RXFP1: variants seen among roughly 807,000 people sequenced by gnomAD.
The protein encoded by RXFP1 is relaxin receptor 1.
RXFP1 carries 73 observed loss-of-function variants against 89.8 expected under a neutral mutation model. The observed-to-expected ratio is 0.81, with a 90% CI of 0.67 to 0.99. The LOEUF is 0.99. Among genes scored for constraint, RXFP1 ranks in the 50% least tolerant of loss-of-function variants. The pLI is 0.00. For missense variants in RXFP1, 793 were observed against 895.5 expected (o/e 0.89, Z 1.46); for synonymous variants, 277 against 305.5 (o/e 0.91, Z 0.97).
chr4:158,653,290 A>C lies in RXFP1; in HGVS notation c.*1235A>C, dbSNP rs1408161702. On this transcript the variant is annotated 3_prime_UTR_variant, in exon 18 of 18. Transcript: ENST00000307765. ...ATGTTTGAAACACAAAAATACTGGA[A>C]TCAAACCATAATGCACTTATTGAAT... is the stretch of plus-strand genomic sequence containing the variant. 1.3e-5 allele frequency: 2 copies of C among 152,242 alleles called. No homozygotes were observed. The highest frequency in any genetic ancestry group is 6.5e-5 in the Admixed American group (1 of 15,286). The allele number at this position is 152,242 out of a possible 1,614,324, so 9.4% of individuals were successfully genotyped here. A position where few individuals can be genotyped will look rare whatever the true frequency, so the allele number is the denominator to read the frequency against.
intron 9 of RXFP1, among the ~76,000 whole-genome samples, chr4:158,623,729 C>G (rs935081308): frequency 6.6e-6 from 1 of 152,070 alleles, no homozygotes; most frequent in African/African-American, 2.4e-5. Context: ...TAGGATATGT[C>G]TTAAGTTCTG....
In RXFP1 at chr4:158,649,389, C is replaced by T. The variant is rs527839004; in HGVS notation, c.1975+672C>T. ...GTAAGAAAATTTTCTTCCTGTAATA[C>T]ATGCAATTTAGAGAAGATCATGCCA... On this transcript the variant is annotated intron_variant, in intron 17 of 17. Coordinates refer to ENST00000307765, the MANE Select transcript of RXFP1 (RefSeq NM_021634.4). Among the ~76,000 whole-genome samples the T allele has an allele frequency of 5.9e-5, 9 of 152,118 alleles. No individual in the cohort carries two copies. In the East Asian group the frequency reaches 1.7e-3, roughly 29 times the overall value.
intron 2 of RXFP1, 33 bp from the exon 3 acceptor site, chr4:158,593,368 T>C: frequency 7.2e-7 from 1 of 1,394,562 alleles, no homozygotes; most frequent in Non-Finnish European, 1.0e-6. Context: ...TCTCTGTTCC[T>C]TGAACTTTTT....
chr4:158,561,742 A>G (rs566185049), intron 1 of RXFP1, among the ~76,000 whole-genome samples: 27 of 146,554 alleles, frequency 1.8e-4, no homozygotes, highest in Admixed American at 1.8e-3. Context: ...ATTCTTGTGC[A>G]TCAGTCTCCT....
At chr4:158,595,356 A>G (rs1405986009) in intron 3 of RXFP1, among the ~76,000 whole-genome samples, 1 of 152,216 alleles carries the variant, frequency 6.6e-6, no homozygotes, top group Non-Finnish European at 1.5e-5. Context: ...CAAATTTTAT[A>G]TCATATATTT....
intron 1 of RXFP1, among the ~76,000 whole-genome samples, chr4:158,554,442 A>G (rs1750825853): frequency 6.6e-6 from 1 of 152,218 alleles, no homozygotes; most frequent in Non-Finnish European, 1.5e-5. Context: ...CCATAATTTT[A>G]TAAACACAAG....
chr4:158,639,469 A>G (rs1243098305), intron 14 of RXFP1, 138 bp downstream of exon 14: 2 of 611,410 alleles, frequency 3.3e-6, no homozygotes, highest in African/African-American at 1.9e-5. Context: ...TCCAAAATGT[A>G]TATATTGAAA....
intron 2 of RXFP1, among the ~76,000 whole-genome samples, chr4:158,587,291 C>A (rs1758484314): frequency 6.6e-6 from 1 of 152,220 alleles, no homozygotes; most frequent in South Asian, 2.1e-4. Flanking sequence ...TCTGGCCTAC[C>A]TACTTACATG....
intron 16 of RXFP1, 89 bp from the exon 17 acceptor site, chr4:158,648,410 T>C: frequency 1.3e-6 from 1 of 785,412 alleles, no homozygotes; most frequent in Non-Finnish European, 2.0e-6. Context: ...CATCTTTGTA[T>C]CTTTAATAAT....
intron 10 of RXFP1, among the ~76,000 whole-genome samples, chr4:158,628,250 AATG>A (rs1170893833): frequency 6.6e-6 from 1 of 152,122 alleles, no homozygotes; most frequent in Non-Finnish European, 1.5e-5. Context: ...TCAAGTAACA[AATG>A]AGTAGGAGTG....
At chr4:158,638,685 T>G (rs1405756940) in intron 13 of RXFP1, among the ~76,000 whole-genome samples, 1 of 151,956 alleles carries the variant, frequency 6.6e-6, no homozygotes, top group Non-Finnish European at 1.5e-5. Context: ...TGTGGTGGCA[T>G]GCACCTGTGG....
At chr4:158,573,147 T>G (rs1755473244) in intron 2 of RXFP1, 1 of 200,766 alleles carries the variant, frequency 5.0e-6, no homozygotes, top group Non-Finnish European at 1.0e-5. Context: ...TAGCTGGGAC[T>G]ACAGGTGCCC....
chr4:158,651,200 C>A (rs779426068), intron 17 of RXFP1, among the ~76,000 whole-genome samples: 23 of 151,962 alleles, frequency 1.5e-4, no homozygotes, highest in Non-Finnish European at 2.5e-4. Context: ...TTTGGTATTT[C>A]TATATATATT....
At chr4:158,554,590 G>A (rs1378389348) in intron 1 of RXFP1, among the ~76,000 whole-genome samples, 1 of 151,936 alleles carries the variant, frequency 6.6e-6, no homozygotes, top group African/African-American at 2.4e-5. Flanking sequence ...TTGTTTAACT[G>A]GTTTTCAAAT....
intron 2 of RXFP1, among the ~76,000 whole-genome samples, chr4:158,581,569 C>T (rs1252598055): frequency 6.6e-6 from 1 of 152,136 alleles, no homozygotes; most frequent in Non-Finnish European, 1.5e-5. Flanking sequence ...AGATGAACTT[C>T]CAAACCTAAA....
intron 1 of RXFP1, among the ~76,000 whole-genome samples, chr4:158,545,435 C>T (rs1006374225): frequency 3.9e-4 from 60 of 152,250 alleles, no homozygotes; most frequent in Middle Eastern, 3.4e-3. Context: ...TTTTGCTGTG[C>T]AGAAGCTCTT....
At chr4:158,543,455 C>T (rs1461630823) in intron 1 of RXFP1, among the ~76,000 whole-genome samples, 2 of 152,176 alleles carry the variant, frequency 1.3e-5, no homozygotes, top group Non-Finnish European at 2.9e-5. Context: ...AGTCCCACCT[C>T]GCTGCCAAGG....
intron 12 of RXFP1, among the ~76,000 whole-genome samples, 186 bp from the exon 13 acceptor site, chr4:158,637,822 T>TG (rs1283331315): frequency 6.6e-6 from 1 of 152,192 alleles, no homozygotes; most frequent in African/African-American, 2.4e-5. Context: ...GTTAATGTCC[T>TG]GGGGCTTTCC....
chr4:158,537,473 A>C (rs184322252), intron 1 of RXFP1, among the ~76,000 whole-genome samples: 1 of 152,304 alleles, frequency 6.6e-6, no homozygotes, highest in Admixed American at 6.5e-5. Context: ...TCAGGCCCGA[A>C]GTGCCCTTGG....
Sources: gnomAD v4.1 joint callset for allele counts (sites outside exome capture counted in the v4.1 genomes callset) on GRCh38, gnomAD v4.1.1 for gene constraint, MANE v1.5 for transcripts, NCBI Gene and HGNC (gene_info 2026-07-23, HGNC 2026-07-21) for gene names.